Variants in CASP10 observed in about 807,000 individuals in gnomAD.
CASP10 encodes caspase-10.
Under a neutral mutation model 48.5 loss-of-function variants are expected in CASP10, and 41 were observed. The observed-to-expected ratio is 0.85, with a 90% CI of 0.66 to 1.10. The LOEUF is 1.10. Ranked by LOEUF, CASP10 falls within the 50% of genes least tolerant of loss-of-function variation. The pLI, the probability that CASP10 is intolerant of heterozygous loss-of-function variation, is 0.00. For missense variants in CASP10, 614 were observed against 614.5 expected, an observed-to-expected ratio of 1.00 and a Z score of 0.01; for synonymous variants, 232 against 238.4, an observed-to-expected ratio of 0.97 and a Z score of 0.25.
rs368996794 is a variant in CASP10, at chr2:201,229,272, G to C, written c.*189G>C. 1.2e-4 allele frequency: 78 copies of C among 645,578 alleles called. No individual in the cohort carries two copies. In the East Asian group the frequency reaches 1.5e-3, roughly 12 times the overall value. 40.0% of individuals were successfully genotyped at this position (645,578 alleles called of 1,614,324 possible). On this transcript the variant is annotated 3_prime_UTR_variant, in exon 10 of 10. Transcript: ENST00000272879. ...CACGTGTACCTGTGTCATCTTTCTT[G>C]TTTCATCGTAAACATACTTCTAAAA...
Position 201,186,135 on chromosome 2 carries a change from G to T in CASP10, c.347+11G>T. 6.3e-7 allele frequency: 1 copy of T among 1,596,798 alleles called. No homozygotes were observed. The highest frequency in any genetic ancestry group is 8.6e-7 in the Non-Finnish European group (1 of 1,166,522). On this transcript the variant is annotated intron_variant, in intron 2 of 9. Transcript: ENST00000286186. ...GGTTTCTCTGTTTAGGTGAGGACGG[G>T]TCTGTGGTGGAGATGGGAGGATCTC... is the stretch of plus-strand genomic sequence containing the variant.
chr2:201,227,422 T>C (rs972661575), intron 9 of CASP10, among the ~76,000 whole-genome samples: 4 of 152,226 alleles, frequency 2.6e-5, no homozygotes, highest in African/African-American at 9.7e-5. Context: ...CACTTTTTAT[T>C]GCCCTGAGCC....
downstream of CASP10, among the ~76,000 whole-genome samples, chr2:201,224,457 T>C (rs572308717): frequency 6.6e-6 from 1 of 152,340 alleles, no homozygotes; most frequent in East Asian, 1.9e-4. Context: ...TAAATTGTAC[T>C]AATTTTTACT....
At chr2:201,227,848 C>T (rs1207711037) in intron 9 of CASP10, among the ~76,000 whole-genome samples, 2 of 152,154 alleles carry the variant, frequency 1.3e-5, no homozygotes, top group Middle Eastern at 3.4e-3. Context: ...TGTGAGCCAC[C>T]GCGCCCGGCC....
Position 201,219,977 on chromosome 2 carries a change from A to T in CASP10, c.*2236A>T. ...TTTCATTTGATATGTGAATGCTCAT[A>T]AAAAAATGTCAAGGAATGAAGAACA... On this transcript the variant is annotated 3_prime_UTR_variant, in exon 10 of 10. Transcript: ENST00000286186. 4 of 985,350 alleles carry T rather than the reference A, an allele frequency of 4.1e-6. No individual in the cohort carries two copies. Among genetic ancestry groups the T allele is most frequent in the South Asian group, 4.7e-5 (1 of 21,284 alleles). 61.0% of individuals were successfully genotyped at this position (985,350 alleles called of 1,614,324 possible).
In CASP10 at chr2:201,209,136, T is replaced by C. The variant is rs550053463; in HGVS notation, c.989T>C (p.Val330Ala). The C allele has an allele frequency of 3.5e-5, 57 of 1,610,372 alleles. No individual in the cohort carries two copies. In the South Asian group the frequency reaches 6.3e-4, roughly 18 times the overall value. ...TVHIHNNVTK[V>A]EMEMVLQKQK... Reference sequence around the variant, plus strand: ...CATATACACAATAATGTGACGAAAGTGGAAATGGAGATGGTCCTGCAGAAG... The same window carrying C: ...CATATACACAATAATGTGACGAAAGCGGAAATGGAGATGGTCCTGCAGAAG... The change falls in exon 9 of 10, where the codon GTG becomes GCG. Residue 330 changes from valine to alanine, a missense_variant. Physicochemically the swap from Val to Ala is moderately conservative, Grantham distance 64. Transcript: ENST00000286186.
rs41331447 is a variant in CASP10, at chr2:201,219,261, C to T, written c.*1520C>T. 0.036 allele frequency: 8,271 copies of T among 232,782 alleles called. 192 individuals carry two copies. The highest frequency in any genetic ancestry group is 0.072 in the Middle Eastern group (33 of 458). The allele number at this position is 232,782 out of a possible 1,614,324, so 14.4% of individuals were successfully genotyped here. ...CTCCAGCTTGGGCAACAGGGCGAGA[C>T]CTTGTTTAAAAAAAAAATTCAATAT... On this transcript the variant is annotated 3_prime_UTR_variant, in exon 10 of 10. Coordinates refer to ENST00000286186, the MANE Select transcript of CASP10 (RefSeq NM_032977.4).
At chr2:201,198,196 G>T (rs576302092) in intron 5 of CASP10, among the ~76,000 whole-genome samples, 18 of 151,428 alleles carry the variant, frequency 1.2e-4, no homozygotes, top group Middle Eastern at 3.4e-3. Context: ...TTTCTAATTC[G>T]GTTGTTTGTA....
chr2:201,212,747 T>C (rs528607531), intron 9 of CASP10: 4 of 152,324 alleles, frequency 2.6e-5, no homozygotes, highest in South Asian at 2.1e-4. Context: ...GAAAAACTGA[T>C]TAATGTTCAG....
At chr2:201,198,310 A>G (rs375052297) in intron 5 of CASP10, among the ~76,000 whole-genome samples, 5 of 147,652 alleles carry the variant, frequency 3.4e-5, no homozygotes, top group Middle Eastern at 3.6e-3. Context: ...TGCAACCTCT[A>G]ACTCCCAGGT....
At position 201,204,306 on chromosome 2, in the gene CASP10, C is replaced by T. The variant is rs901947705; in HGVS notation, c.721+540C>T. 4.6e-5 allele frequency among the ~76,000 whole-genome samples: 7 copies of T among 152,298 alleles called. No homozygotes were observed. In the East Asian group the frequency reaches 7.7e-4, roughly 17 times the overall value. ...CTGCTTATGAACAAACAGGCTTTGG[C>T]GAAGTCTTTCTGTGGTATGTAAAGT... On this transcript the variant is annotated intron_variant, in intron 6 of 9. Coordinates refer to ENST00000286186, the MANE Select transcript of CASP10 (RefSeq NM_032977.4).
Position 201,195,956 on chromosome 2 carries a change from C to A in CASP10, c.684+8C>A. The A allele has an allele frequency of 6.3e-7, 1 of 1,579,068 alleles. No homozygotes were observed. The highest frequency in any genetic ancestry group is 1.1e-5 in the South Asian group (1 of 90,394). ...TTCTTGGAAGCCTTACCGGTAGGTT[C>A]AGTGGTGTGCTGGTCAATGCTTAAC... On this transcript the variant is annotated splice_region_variant and intron_variant, in intron 5 of 9. Coordinates refer to ENST00000286186, the MANE Select transcript of CASP10 (RefSeq NM_032977.4).
chr2:201,198,348 C>T (rs1944878780), intron 5 of CASP10, among the ~76,000 whole-genome samples: 3 of 151,030 alleles, frequency 2.0e-5, no homozygotes, highest in Admixed American at 2.0e-4. Context: ...CTCAGCCTCC[C>T]AAGTAGCTGG....
Position 201,220,208 on chromosome 2 carries a change from A to C in CASP10, c.*2467A>C, listed in dbSNP as rs972842845. The C allele has an allele frequency of 1.1e-5, 10 of 920,352 alleles. No individual in the cohort carries two copies. Among genetic ancestry groups the C allele is most frequent in the Non-Finnish European group, 1.3e-5 (10 of 770,672 alleles). The allele number at this position is 920,352 out of a possible 1,614,324, so 57.0% of individuals were successfully genotyped here. A position where few individuals can be genotyped will look rare whatever the true frequency, so the allele number is the denominator to read the frequency against. Reference sequence around the variant, plus strand: ...CATCTTAGACAAACACCGCCACTTTAAGTTCCAGTTCCCTTTCTAGCCTCA... The same window carrying C: ...CATCTTAGACAAACACCGCCACTTTCAGTTCCAGTTCCCTTTCTAGCCTCA... On this transcript the variant is annotated 3_prime_UTR_variant, in exon 10 of 10. Coordinates refer to ENST00000286186, the MANE Select transcript of CASP10 (RefSeq NM_032977.4).
intron 3 of CASP10, among the ~76,000 whole-genome samples, chr2:201,191,273 A>AT (rs1446681898): frequency 6.6e-6 from 1 of 152,196 alleles, no homozygotes; most frequent in African/African-American, 2.4e-5. Flanking sequence ...TTTTCTCAGT[A>AT]TAACAGTAAA....
Position 201,221,097 on chromosome 2 carries a change from G to T in CASP10, c.*3356G>T, listed in dbSNP as rs1945709006. On this transcript the variant is annotated 3_prime_UTR_variant, in exon 10 of 10. Coordinates refer to ENST00000286186, the MANE Select transcript of CASP10 (RefSeq NM_032977.4). ...CTTTAGGTGGTAGGGTCTTCCGGTT[G>T]TAACTGCAACAGAAATAGCAGGACT... is the stretch of plus-strand genomic sequence containing the variant. 6.1e-6 allele frequency: 6 copies of T among 985,456 alleles called. No homozygotes were observed. Among genetic ancestry groups the T allele is most frequent in the Non-Finnish European group, 7.2e-6 (6 of 829,942 alleles). The allele number at this position is 985,456 out of a possible 1,614,324, so 61.0% of individuals were successfully genotyped here.
At chr2:201,195,760 C>T in intron 4 of CASP10, 82 bp from the exon 5 acceptor site, 1 of 1,077,892 alleles carries the variant, frequency 9.3e-7, no homozygotes, top group Non-Finnish European at 1.4e-6. Context: ...TCACTGCAAC[C>T]TCCGCCTCCT....
chr2:201,218,059 G>A lies in CASP10; in HGVS notation c.*318G>A, dbSNP rs1945630634. ...TTCCCAAGTAGCTGGGACCACAGGTGTGTACCACCGTGCCCGGATTTTTTT... is the reference window on the plus strand; with the variant it reads ...TTCCCAAGTAGCTGGGACCACAGGTATGTACCACCGTGCCCGGATTTTTTT... On this transcript the variant is annotated 3_prime_UTR_variant, in exon 10 of 10. Coordinates refer to ENST00000286186, the MANE Select transcript of CASP10 (RefSeq NM_032977.4). 1.4e-6 allele frequency: 1 copy of A among 698,560 alleles called. No homozygotes were observed. Among genetic ancestry groups the A allele is most frequent in the East Asian group, 6.5e-5 (1 of 15,500 alleles). The allele number at this position is 698,560 out of a possible 1,614,324, so 43.3% of individuals were successfully genotyped here. A position where few individuals can be genotyped will look rare whatever the true frequency, so the allele number is the denominator to read the frequency against.
intron 5 of CASP10, chr2:201,200,296 A>G (rs1944967244): frequency 1.5e-6 from 1 of 675,188 alleles, no homozygotes; most frequent in African/African-American, 1.8e-5. Flanking sequence ...TTCCCCCTAG[A>G]TTGAGCGTCT....
Sources: gnomAD v4.1 joint callset for allele counts (sites outside exome capture counted in the v4.1 genomes callset) on GRCh38, gnomAD v4.1.1 for gene constraint, MANE v1.5 for transcripts, NCBI Gene and HGNC (gene_info 2026-07-23, HGNC 2026-07-21) for gene names.